The following PDGFRL variants were observed in gnomAD, a reference collection of about 807,000 sequenced individuals.
The protein encoded by PDGFRL is platelet-derived growth factor receptor-like protein.
Under a neutral mutation model 37.2 loss-of-function variants are expected in PDGFRL, and 46 were observed. That is an observed-to-expected ratio of 1.24 (90% CI 0.98 to 1.58). The LOEUF is 1.58. Among genes scored for constraint, PDGFRL ranks in the 40% most tolerant of loss-of-function variants. The probability of loss-of-function intolerance (pLI) is 0.00; values close to 1 mark genes in which losing one functional copy is unlikely to be tolerated. For synonymous variants in PDGFRL, 251 were observed against 184.3 expected, an observed-to-expected ratio of 1.36 and a Z score of -2.93; for missense variants, 692 against 467.6, an observed-to-expected ratio of 1.48 and a Z score of -4.43.
intron 2 of PDGFRL, among the ~76,000 whole-genome samples, chr8:17,595,801 T>C (rs1331357972): frequency 6.6e-6 from 1 of 151,970 alleles, no homozygotes; most frequent in Non-Finnish European, 1.5e-5. Context: ...GTCCAGTGAG[T>C]TTAGGTCAAC....
chr8:17,600,522 C>G (rs1197596224), intron 2 of PDGFRL, among the ~76,000 whole-genome samples: 1 of 152,010 alleles, frequency 6.6e-6, no homozygotes, highest in African/African-American at 2.4e-5. Context: ...CTTTCATGAG[C>G]TTTTATTTAC....
intron 3 of PDGFRL, among the ~76,000 whole-genome samples, chr8:17,623,037 T>C (rs1804663490): frequency 6.6e-6 from 1 of 152,238 alleles, no homozygotes; most frequent in Non-Finnish European, 1.5e-5. Context: ...GAGAGTTCTC[T>C]GCCTCCTGCC....
chr8:17,585,511 AGT>A (rs943127318), intron 1 of PDGFRL, among the ~76,000 whole-genome samples: 1 of 152,098 alleles, frequency 6.6e-6, no homozygotes, highest in African/African-American at 2.4e-5. Context: ...TTCTTGGAAA[AGT>A]GTGTGTGTTC....
chr8:17,627,407 T>C (rs1362049439), intron 3 of PDGFRL, among the ~76,000 whole-genome samples: 1 of 152,162 alleles, frequency 6.6e-6, no homozygotes, highest in Non-Finnish European at 1.5e-5. Context: ...GGGACATATG[T>C]AATCTATAAT....
chr8:17,638,760 TATATATATATATATATATATATATATAA>T (rs1284395158), intron 5 of PDGFRL, among the ~76,000 whole-genome samples: 2 of 112,700 alleles, frequency 1.8e-5, no homozygotes, highest in African/African-American at 8.1e-5. Flanking sequence ...TATATATATA[TATATATATATATATATATATATATATAA>T]TTGTGATATT....
intron 5 of PDGFRL, among the ~76,000 whole-genome samples, chr8:17,639,878 A>G (rs1805054829): frequency 6.6e-6 from 1 of 152,114 alleles, no homozygotes; most frequent in African/African-American, 2.4e-5. Flanking sequence ...TGTCTTTCAA[A>G]CTTTTAGATT....
chr8:17,630,056 CAG>C (rs1408319879), intron 4 of PDGFRL, among the ~76,000 whole-genome samples: 2 of 152,168 alleles, frequency 1.3e-5, no homozygotes. Flanking sequence ...TGCCTGTACT[CAG>C]AGAGTTAAGA....
At chr8:17,622,236 T>A (rs1272955311) in intron 3 of PDGFRL, among the ~76,000 whole-genome samples, 1 of 152,202 alleles carries the variant, frequency 6.6e-6, no homozygotes, top group African/African-American at 2.4e-5. Flanking sequence ...GGGATGAAGT[T>A]CTCCAGCAAG....
At chr8:17,589,356 A>G (rs548341153) in intron 1 of PDGFRL, 112 bp from the exon 2 acceptor site, 19 of 783,984 alleles carry the variant, frequency 2.4e-5, no homozygotes, top group Non-Finnish European at 3.9e-5. Context: ...ACTGCCCTCC[A>G]ACCTGGGCAA....
intron 3 of PDGFRL, among the ~76,000 whole-genome samples, chr8:17,623,015 G>A (rs564593069): frequency 1.2e-4 from 19 of 152,280 alleles, no homozygotes; most frequent in African/African-American, 4.3e-4. Flanking sequence ...GGACATTCCC[G>A]TATCTGCTTA....
intron 2 of PDGFRL, among the ~76,000 whole-genome samples, chr8:17,594,493 A>T (rs1050453176): frequency 2.6e-5 from 4 of 152,040 alleles, no homozygotes; most frequent in Non-Finnish European, 5.9e-5. Context: ...TGTCTGCCTC[A>T]GCCTCCTGTA....
chr8:17,591,734 T>A (rs942423482), intron 2 of PDGFRL, among the ~76,000 whole-genome samples: 7 of 152,070 alleles, frequency 4.6e-5, no homozygotes, highest in Non-Finnish European at 1.0e-4. Flanking sequence ...CTAGCCAACA[T>A]TGTGAAACCC....
rs773860419 is a variant in PDGFRL, at chr8:17,634,120, A to C, written c.846A>C (p.Lys282Asn). ...PSTTILASSNKVKSGDDISVL... is the reference protein window; with the variant it reads ...PSTTILASSNNVKSGDDISVL... ...CAACCATCTTGGCTTCTTCAAACAA[A>C]GTGAAAAGTGGGGACGACATCAGTG... Residue 282 changes from lysine to asparagine, a missense_variant, in exon 5 of 6, where the codon AAA (lysine) becomes AAC (asparagine). By Grantham distance (94) the Lys-to-Asn change is moderately conservative. Transcript: ENST00000251630. 1.2e-6 allele frequency: 2 copies of C among 1,613,856 alleles called. No individual in the cohort carries two copies. Among genetic ancestry groups the C allele is most frequent in the Non-Finnish European group, 1.7e-6 (2 of 1,179,756 alleles).
At chr8:17,580,333 AAG>A (rs1298929443) in intron 1 of PDGFRL, among the ~76,000 whole-genome samples, 3 of 152,206 alleles carry the variant, frequency 2.0e-5, no homozygotes, top group Non-Finnish European at 2.9e-5. Flanking sequence ...GAGAAAAAAA[AAG>A]AGTAAAAATT....
upstream of PDGFRL, chr8:17,576,692 G>A (rs1803586954): frequency 8.1e-6 from 8 of 985,150 alleles, no homozygotes; most frequent in South Asian, 3.3e-4. Context: ...CAGTTACAGG[G>A]CTGGGTGCGG....
intron 2 of PDGFRL, among the ~76,000 whole-genome samples, chr8:17,606,268 C>G (rs1804274868): frequency 6.6e-6 from 1 of 152,088 alleles, no homozygotes; most frequent in Non-Finnish European, 1.5e-5. Flanking sequence ...TAGTTCAGTA[C>G]ACTTAAGTGC....
intron 2 of PDGFRL, among the ~76,000 whole-genome samples, chr8:17,615,980 C>T (rs752459878): frequency 5.3e-5 from 8 of 152,156 alleles, no homozygotes; most frequent in East Asian, 1.9e-4. Context: ...AACTTGTTTA[C>T]GGAGCTTGGC....
At chr8:17,594,872 G>A (rs1034245179) in intron 2 of PDGFRL, among the ~76,000 whole-genome samples, 75 of 152,344 alleles carry the variant, frequency 4.9e-4, no homozygotes, top group African/African-American at 1.7e-3. Flanking sequence ...ATCATCCAGC[G>A]ATAGGCATTT....
chr8:17,642,537 A>C (rs189553965), intron 5 of PDGFRL, 76 bp from the exon 6 acceptor site: 2 of 847,262 alleles, frequency 2.4e-6, no homozygotes, highest in African/African-American at 3.3e-5. Flanking sequence ...GGAACGCTCA[A>C]CAGTGTTGGG....
Sources: allele counts gnomAD v4.1 joint callset (sites outside exome capture counted in the v4.1 genomes callset), GRCh38; gene constraint gnomAD v4.1.1; transcripts MANE v1.5; gene names NCBI Gene and HGNC (gene_info 2026-07-23, HGNC 2026-07-21).